CHERP: variants seen among roughly 807,000 people sequenced by gnomAD.
The protein encoded by CHERP is calcium homeostasis endoplasmic reticulum protein, also known as ERPROT 213-21.
A neutral mutation model predicts 113.8 loss-of-function variants in CHERP; 8 were observed. The ratio of observed to expected loss-of-function variants is 0.07; its 90% CI spans 0.04 to 0.13. The LOEUF (loss-of-function observed/expected upper bound fraction) is 0.13. CHERP is among the 10% of genes least tolerant of loss of function. The pLI is 1.00. For synonymous variants in CHERP, 559 were observed against 524.5 expected, an observed-to-expected ratio of 1.07 and a Z score of -0.90; for missense variants, 884 against 1,298.2, an observed-to-expected ratio of 0.68 and a Z score of 4.90.
chr19:16,538,840 G>A (rs937501126), intron 2 of CHERP, among the ~76,000 whole-genome samples: 2 of 150,464 alleles, frequency 1.3e-5, no homozygotes, highest in South Asian at 2.1e-4. Flanking sequence ...CCAAAGCACC[G>A]TCTGAGGTGT....
chr19:16,533,281 G>A, intron 3 of CHERP, 133 bp from the exon 4 acceptor site: 2 of 802,202 alleles, frequency 2.5e-6, no homozygotes, highest in Non-Finnish European at 3.9e-6. Flanking sequence ...CTGGCCATCA[G>A]CTCCCTTGCT....
Position 16,519,455 on chromosome 19 carries a change from G to A in CHERP, c.2558-103C>T. The A allele has an allele frequency of 7.4e-7, 1 of 1,357,860 alleles. No individual in the cohort carries two copies. The highest frequency in any genetic ancestry group is 1.0e-6 in the Non-Finnish European group (1 of 979,846). 84.1% of individuals were successfully genotyped at this position (1,357,860 alleles called of 1,614,324 possible). ...CAGGCAGTGTAGACATGGGAAATGG[G>A]TAGAGAGAACCCGCAGGCCGGCCCT... is the stretch of plus-strand genomic sequence containing the variant. On this transcript the variant is annotated intron_variant, in intron 16 of 16. Transcript: ENST00000546361. This position sits in a 1 kb window ranked among gnomAD's most constrained non-coding sequence, Gnocchi z 6.0.
At chr19:16,521,783 C>A in intron 11 of CHERP, 129 bp from the exon 12 acceptor site, 1 of 789,694 alleles carries the variant, frequency 1.3e-6, no homozygotes, top group Non-Finnish European at 1.8e-6. Flanking sequence ...CACCAGAGCT[C>A]CTCATGCTTC....
rs1436060469 is a variant in CHERP, at chr19:16,528,235, G to C, written c.1150C>G (p.Gln384Glu). ...TCGTACTCTGAAGAGCCAGGCATCT[G>C]GATGGGAGGCTTGCTGTCATCTAAA... ...TQPDDSKPPI[Q>E]MPGSSEYEAP... Residue 384 changes from glutamine (Q) to glutamate (E), a missense_variant, in exon 9 of 17, where the codon CAG (glutamine) becomes GAG (glutamate). Transcript: ENST00000546361. 7 of 1,589,314 alleles carry C rather than the reference G, an allele frequency of 4.4e-6. No individual in the cohort carries two copies. The highest frequency in any genetic ancestry group is 6.0e-6 in the Non-Finnish European group (7 of 1,170,242).
Position 16,519,112 on chromosome 19 carries a change from C to T in CHERP, c.*47G>A, listed in dbSNP as rs553300537. On this transcript the variant is annotated 3_prime_UTR_variant, in exon 17 of 17. Coordinates refer to ENST00000546361, the MANE Select transcript of CHERP (RefSeq NM_006387.6). This position sits in a 1 kb window ranked among gnomAD's most constrained non-coding sequence, Gnocchi z 6.0. Reference sequence around the variant, plus strand: ...CCTCTGCCAGTCAGCCAGGAAGGTCCCACAGCCGGCACCGCTGGCCACCGG... The same window carrying T: ...CCTCTGCCAGTCAGCCAGGAAGGTCTCACAGCCGGCACCGCTGGCCACCGG... 4 of 1,556,102 alleles carry T rather than the reference C, an allele frequency of 2.6e-6. No homozygotes were observed. In the African/African-American group the frequency reaches 4.1e-5, roughly 16 times the overall value.
At position 16,529,151 on chromosome 19, in the gene CHERP, G is replaced by GC. The variant is rs1210491430; in HGVS notation, c.1129+496dup. ...GGGCTCAAGTGATCCTCCCACCTCAGCCCCCAAGTAGCTGGGACGACAGGT... is the reference window on the plus strand; with the variant it reads ...GGGCTCAAGTGATCCTCCCACCTCAGCCCCCCAAGTAGCTGGGACGACAGGT... On this transcript the variant is annotated intron_variant, in intron 8 of 16. Coordinates refer to ENST00000546361, the MANE Select transcript of CHERP (RefSeq NM_006387.6). Among the ~76,000 whole-genome samples the GC allele has an allele frequency of 6.6e-5, 10 of 152,212 alleles. No homozygotes were observed. In the East Asian group the frequency reaches 1.5e-3, roughly 24 times the overall value.
At chr19:16,527,842 AT>A (rs1226583884) in intron 9 of CHERP, among the ~76,000 whole-genome samples, 2 of 152,222 alleles carry the variant, frequency 1.3e-5, no homozygotes, top group Non-Finnish European at 2.9e-5. Context: ...ATGGTGATCT[AT>A]ACTACAGAGA....
Position 16,532,799 on chromosome 19 carries a change from G to C in CHERP, c.523-50C>G. The C allele has an allele frequency of 1.3e-6, 2 of 1,574,464 alleles. No homozygotes were observed. Among genetic ancestry groups the C allele is most frequent in the Non-Finnish European group, 1.7e-6 (2 of 1,155,490 alleles). ...GTGAGCAGGGCCGCGGCTCCCCCAG[G>C]CACCCACTGCATCCCTGAGAGCGCG... On this transcript the variant is annotated intron_variant, in intron 4 of 16. Transcript: ENST00000546361. This position sits in a 1 kb window ranked among gnomAD's most constrained non-coding sequence, Gnocchi z 4.4.
chr19:16,541,655 G>A (rs1312072477), intron 2 of CHERP: 2 of 508,140 alleles, frequency 3.9e-6, no homozygotes, highest in Non-Finnish European at 6.9e-6. Flanking sequence ...AGCCCAGGGG[G>A]GAGGATCGAA....
rs746139397 is a variant in CHERP at position 16,523,299 on chromosome 19, CAG to C, written c.1742-11_1742-10del. The C allele has an allele frequency of 2.5e-6, 4 of 1,602,670 alleles. No individual in the cohort carries two copies. Among genetic ancestry groups the C allele is most frequent in the African/African-American group, 2.7e-5 (2 of 73,936 alleles). On this transcript the variant is annotated splice_polypyrimidine_tract_variant and intron_variant, in intron 10 of 16. Transcript: ENST00000546361. The surrounding 1 kb of genome is among the most constrained non-coding windows in gnomAD (Gnocchi z 4.0). ...GTGAGGGGGCCCCATTTCTGCAAAA[CAG>C]AGACTTGCCTCAGGACCACAGGCCA...
At chr19:16,528,691 C>T (rs1464061324) in intron 8 of CHERP, among the ~76,000 whole-genome samples, 4 of 152,218 alleles carry the variant, frequency 2.6e-5, no homozygotes, top group Admixed American at 2.6e-4. Context: ...CGGTGGCTCA[C>T]GCCTGTAATC....
At chr19:16,524,069 T>C (rs1460066129) in intron 10 of CHERP, among the ~76,000 whole-genome samples, 1 of 151,802 alleles carries the variant, frequency 6.6e-6, no homozygotes, top group Non-Finnish European at 1.5e-5. Flanking sequence ...CTGGCCAACA[T>C]GGCGAAACCC....
chr19:16,530,802 G>A lies in CHERP; in HGVS notation c.753C>T (p.Ala251=), dbSNP rs566501795. The change falls in exon 6 of 17, where the codon GCC becomes GCT. Residue 251 remains alanine (A), a synonymous_variant. Coordinates refer to ENST00000546361, the MANE Select transcript of CHERP (RefSeq NM_006387.6). This position sits in a 1 kb window ranked among gnomAD's most constrained non-coding sequence, Gnocchi z 4.1. ...TCTTCTGCTGCTTGTCTTCCTCCAC[G>A]GCCAAGAAGCTGGTGCAGTAGATGG... ...VVPIYCTSFL[A]VEEDKQQKIA... 8.1e-6 allele frequency: 13 copies of A among 1,613,948 alleles called. No homozygotes were observed. The highest frequency in any genetic ancestry group is 9.3e-6 in the Non-Finnish European group (11 of 1,179,984).
intron 5 of CHERP, chr19:16,531,962 T>C (rs534329916): frequency 1.4e-5 from 2 of 142,140 alleles, no homozygotes; most frequent in South Asian, 2.1e-4. Flanking sequence ...TGGGGTTCTA[T>C]TGTTTTTTTT....
Position 16,532,861 on chromosome 19 carries a change from G to A in CHERP, c.523-112C>T. 1 of 1,529,240 alleles carries A rather than the reference G, an allele frequency of 6.5e-7. No individual in the cohort carries two copies. Among genetic ancestry groups the A allele is most frequent in the Admixed American group, 1.9e-5 (1 of 52,814 alleles). 94.7% of individuals were successfully genotyped at this position (1,529,240 alleles called of 1,614,324 possible). On this transcript the variant is annotated intron_variant, in intron 4 of 16. Transcript: ENST00000546361. This position sits in a 1 kb window ranked among gnomAD's most constrained non-coding sequence, Gnocchi z 4.4. Reference sequence around the variant, plus strand: ...TCAGGGAAGGACACACCATGAGCGTGGGGGGCACAGGGTCCCACAGCCTCA... The same window carrying A: ...TCAGGGAAGGACACACCATGAGCGTAGGGGGCACAGGGTCCCACAGCCTCA...
rs1194884598 is a variant in CHERP, at chr19:16,528,144, A to G, written c.1241T>C (p.Ile414Thr). The G allele has an allele frequency of 6.2e-7, 1 of 1,613,646 alleles. No individual in the cohort carries two copies. Among genetic ancestry groups the G allele is most frequent in the Admixed American group, 1.7e-5 (1 of 60,002 alleles). ...AAACCAAGGGGGCTTGTTTGGTGGG[A>G]TCTGGTCGTGTGGCCCGGGGCCCCG... The part of the protein sequence containing the change: ...GPRGPGPHDQ[I>T]PPNKPPWFDQ... The change falls in exon 9 of 17, where the codon ATC (isoleucine) becomes ACC (threonine). Residue 414 changes from isoleucine (I) to threonine (T), a missense_variant. Ile to Thr is a moderately conservative substitution (Grantham distance 89). Transcript: ENST00000546361.
intron 8 of CHERP, among the ~76,000 whole-genome samples, chr19:16,528,737 A>G (rs567456472): frequency 6.6e-6 from 1 of 152,282 alleles, no homozygotes; most frequent in Admixed American, 6.5e-5. Flanking sequence ...GTGGATCCCA[A>G]GGTCAGGAGA....
intron 12 of CHERP, 121 bp downstream of exon 12, chr19:16,521,400 G>A (rs1332116967): frequency 1.4e-5 from 12 of 855,376 alleles, no homozygotes; most frequent in East Asian, 2.8e-5. Context: ...CTCAGGCGGG[G>A]GGAGGGCAGT....
chr19:16,532,794 C>T lies in CHERP; in HGVS notation c.523-45G>A. ...GACGAGTGAGCAGGGCCGCGGCTCC[C>T]CCAGGCACCCACTGCATCCCTGAGA... On this transcript the variant is annotated intron_variant, in intron 4 of 16. Transcript: ENST00000546361. This position sits in a 1 kb window ranked among gnomAD's most constrained non-coding sequence, Gnocchi z 4.4. The T allele has an allele frequency of 6.3e-7, 1 of 1,577,318 alleles. No homozygotes were observed. Among genetic ancestry groups the T allele is most frequent in the African/African-American group, 1.3e-5 (1 of 74,612 alleles).
Sources: allele counts gnomAD v4.1 joint callset (sites outside exome capture counted in the v4.1 genomes callset), GRCh38; gene constraint gnomAD v4.1.1; non-coding constraint Gnocchi (gnomAD v3.1); transcripts MANE v1.5; gene names NCBI Gene and HGNC (gene_info 2026-07-23, HGNC 2026-07-21).